The following DNAI3 variants were observed in gnomAD, a reference collection of about 807,000 sequenced individuals.
The protein encoded by DNAI3 is dynein axonemal intermediate chain 3, also known as WD repeat domain 63.
A neutral mutation model predicts 115.5 loss-of-function variants in DNAI3; 83 were observed. The ratio of observed to expected loss-of-function variants is 0.72; its 90% CI spans 0.60 to 0.86. DNAI3 has a LOEUF of 0.86. DNAI3 is among the 40% of genes least tolerant of loss of function. DNAI3 has a pLI of 0.00. For missense variants in DNAI3, 1,004 were observed against 1,075.8 expected (o/e 0.93, Z 0.93); for synonymous variants, 320 against 347.0 (o/e 0.92, Z 0.86).
At chr1:85,063,707 A>G (rs1422030127) in intron 1 of DNAI3, among the ~76,000 whole-genome samples, 1 of 152,202 alleles carries the variant, frequency 6.6e-6, no homozygotes, top group African/African-American at 2.4e-5. Flanking sequence ...TTATACAGGG[A>G]AGAGACTTGA....
chr1:85,067,612 T>A (rs1310814746), intron 1 of DNAI3, among the ~76,000 whole-genome samples: 2 of 152,176 alleles, frequency 1.3e-5, no homozygotes, highest in African/African-American at 4.8e-5. Context: ...AGAAGTAAAG[T>A]CACAGATGAA....
At chr1:85,098,732 C>T in intron 13 of DNAI3, 74 bp downstream of exon 13, 2 of 1,567,688 alleles carry the variant, frequency 1.3e-6, no homozygotes, top group Non-Finnish European at 1.7e-6. Flanking sequence ...GAAGATGTTT[C>T]AAGTCAACAA....
intron 18 of DNAI3, 100 bp from the exon 19 acceptor site, chr1:85,124,021 T>C: frequency 6.6e-7 from 1 of 1,509,840 alleles, no homozygotes; most frequent in South Asian, 1.2e-5. Flanking sequence ...CCGACCCCAT[T>C]CATGGGGCCC....
intron 2 of DNAI3, 97 bp from the exon 3 acceptor site, chr1:85,072,954 CAAA>C (rs35956778): frequency 3.0e-3 from 1,205 of 404,904 alleles, no homozygotes; most frequent in Middle Eastern, 7.3e-3. Flanking sequence ...GACTCCGTCT[CAAA>C]AAAAAAAAAA....
intron 3 of DNAI3, among the ~76,000 whole-genome samples, chr1:85,078,262 C>T (rs1000076313): frequency 6.6e-6 from 1 of 152,232 alleles, no homozygotes; most frequent in African/African-American, 2.4e-5. Context: ...TGTTATTGAA[C>T]TCTGTGGTCC....
intron 19 of DNAI3, among the ~76,000 whole-genome samples, chr1:85,125,653 T>C (rs568742218): frequency 6.3e-4 from 96 of 152,102 alleles, no homozygotes; most frequent in African/African-American, 2.1e-3. Flanking sequence ...AAACTCAAGG[T>C]GCTGGGAGAA....
intron 13 of DNAI3, among the ~76,000 whole-genome samples, chr1:85,100,568 T>C (rs1655267187): frequency 6.6e-6 from 1 of 152,192 alleles, no homozygotes. Flanking sequence ...AGTGTGGCGA[T>C]TCCTCAAGGA....
chr1:85,080,821 C>T lies in DNAI3; in HGVS notation c.104-413C>T, dbSNP rs112138390. Among the ~76,000 whole-genome samples, 604 of 152,130 alleles carry T rather than the reference C, an allele frequency of 4.0e-3. 3 individuals are homozygous for T. Among genetic ancestry groups the T allele is most frequent in the African/African-American group, 0.014 (564 of 41,514 alleles). On this transcript the variant is annotated intron_variant, in intron 3 of 22. Transcript: ENST00000294664. Reference sequence around the variant, plus strand: ...AAAGAAATTAGAATGCTTACCAATACGAGAATGGTTTAAAATTATGCTATA... The same window carrying T: ...AAAGAAATTAGAATGCTTACCAATATGAGAATGGTTTAAAATTATGCTATA...
At position 85,108,022 on chromosome 1, in the gene DNAI3, A is replaced by ACT. The variant is rs11427716; in HGVS notation, c.1554-11_1554-10insCT. ...TGTACTTAATAAAAAATATATATAAATTTTTTTTAGCACAATATGTTTTTG... is the reference window on the plus strand; with the variant it reads ...TGTACTTAATAAAAAATATATATAAACTTTTTTTTTAGCACAATATGTTTTTG... On this transcript the variant is annotated splice_polypyrimidine_tract_variant and intron_variant, in intron 14 of 22. Transcript: ENST00000294664. The ACT allele has an allele frequency of 0.063, 95,188 of 1,504,392 alleles. 3,236 individuals carry two copies. Among genetic ancestry groups the ACT allele is most frequent in the East Asian group, 0.13 (5,300 of 40,410 alleles). The allele number at this position is 1,504,392 out of a possible 1,614,324, so 93.2% of individuals were successfully genotyped here.
At chr1:85,108,591 C>T (rs1655562389) in intron 15 of DNAI3, among the ~76,000 whole-genome samples, 3 of 152,122 alleles carry the variant, frequency 2.0e-5, no homozygotes, top group Non-Finnish European at 1.5e-5. Flanking sequence ...TTCAGAGTTC[C>T]TGGGAGAGCT....
intron 3 of DNAI3, among the ~76,000 whole-genome samples, chr1:85,080,763 A>G (rs1041898949): frequency 5.3e-5 from 8 of 152,254 alleles, no homozygotes; most frequent in African/African-American, 1.9e-4. Flanking sequence ...ATTTGTTTGT[A>G]GGATTATTTA....
chr1:85,129,741 C>G (rs1373761258), intron 21 of DNAI3, among the ~76,000 whole-genome samples: 1 of 152,136 alleles, frequency 6.6e-6, no homozygotes, highest in Non-Finnish European at 1.5e-5. Context: ...ATTGTACCAG[C>G]TCCTCTGGTA....
intron 12 of DNAI3, 30 bp from the exon 13 acceptor site, chr1:85,098,500 A>G: frequency 1.9e-6 from 3 of 1,603,814 alleles, no homozygotes; most frequent in Admixed American, 1.7e-5. Flanking sequence ...CTCTGAAATT[A>G]GCACTTAACT....
chr1:85,121,524 A>G (rs1317272948), intron 17 of DNAI3, among the ~76,000 whole-genome samples: 3 of 152,238 alleles, frequency 2.0e-5, no homozygotes, highest in East Asian at 1.9e-4. Flanking sequence ...CATGTTCTCC[A>G]CATCATTATA....
At chr1:85,076,367 CA>C (rs1188068291) in intron 3 of DNAI3, among the ~76,000 whole-genome samples, 2 of 151,952 alleles carry the variant, frequency 1.3e-5, no homozygotes, top group African/African-American at 4.8e-5. Flanking sequence ...AACATAAAAA[CA>C]AAAACAACAA....
rs755310156 is a variant in DNAI3, at chr1:85,108,224, A to G, written c.1698+47A>G. The G allele has an allele frequency of 2.7e-6, 4 of 1,495,538 alleles. No individual in the cohort carries two copies. The Admixed American group carries it at 7.1e-5, about 26-fold the overall frequency. The allele number at this position is 1,495,538 out of a possible 1,614,324, so 92.6% of individuals were successfully genotyped here. Reference sequence around the variant, plus strand: ...GTCCATCCTGCTTGCATAATACACTATTTACTTTGCATGCATAGACATACA... The same window carrying G: ...GTCCATCCTGCTTGCATAATACACTGTTTACTTTGCATGCATAGACATACA... On this transcript the variant is annotated intron_variant, in intron 15 of 22. Transcript: ENST00000294664.
rs146928819 is a variant in DNAI3 at position 85,071,729 on chromosome 1, A to C, written c.-14-199A>C. On this transcript the variant is annotated intron_variant, in intron 1 of 22. Coordinates refer to ENST00000294664, the MANE Select transcript of DNAI3 (RefSeq NM_145172.5). ...GCTAAATGGCTCCACCAGAACAGTA[A>C]GATCTCATCAGTAAGATTGTTGTTG... Among the ~76,000 whole-genome samples the C allele has an allele frequency of 6.9e-3, 1,046 of 152,346 alleles. 9 individuals carry two copies. Among genetic ancestry groups the C allele is most frequent in the Admixed American group, 5.7e-3 (87 of 15,308 alleles).
rs1009961652 is a variant in DNAI3, at chr1:85,105,544, A to AAG, written c.1553+948_1553+949insGA. 4.6e-5 allele frequency among the ~76,000 whole-genome samples: 7 copies of AAG among 151,058 alleles called. 1 individual carries two copies. In the East Asian group the frequency reaches 5.8e-4, roughly 13 times the overall value. The stretch of plus-strand genomic sequence containing the variant: ...ACTCTGTCTCAAAAAAAAAAAAAGA[A>AAG]AAAGAAAAAGAAAGAAAGAAAAGAA... On this transcript the variant is annotated intron_variant, in intron 14 of 22. Coordinates refer to ENST00000294664, the MANE Select transcript of DNAI3 (RefSeq NM_145172.5).
intron 16 of DNAI3, among the ~76,000 whole-genome samples, chr1:85,113,599 C>T (rs1172776563): frequency 2.6e-5 from 4 of 151,960 alleles, no homozygotes; most frequent in African/African-American, 9.7e-5. Flanking sequence ...ATTATGCTAG[C>T]TTTATAATTA....
Sources: allele counts gnomAD v4.1 joint callset (sites outside exome capture counted in the v4.1 genomes callset), GRCh38; gene constraint gnomAD v4.1.1; transcripts MANE v1.5; gene names NCBI Gene and HGNC (gene_info 2026-07-23, HGNC 2026-07-21).